The following ARAP1 variants were observed in gnomAD, a reference collection of about 807,000 sequenced individuals.
The protein encoded by ARAP1 is arf-GAP with Rho-GAP domain, ANK repeat and PH domain-containing protein 1.
ARAP1 carries 76 observed loss-of-function variants against 172.2 expected under a neutral mutation model. The observed-to-expected ratio is 0.44, with a 90% CI of 0.37 to 0.53. The LOEUF is 0.53. Among genes scored for constraint, ARAP1 ranks in the 20% least tolerant of loss-of-function variants. The pLI is 0.00. For missense variants in ARAP1, 1,686 were observed against 1,977.5 expected, an observed-to-expected ratio of 0.85 and a Z score of 2.80; for synonymous variants, 804 against 803.3, an observed-to-expected ratio of 1.00 and a Z score of -0.01.
chr11:72,743,173 C>T (rs1858252214), intron 1 of ARAP1, among the ~76,000 whole-genome samples: 1 of 152,240 alleles, frequency 6.6e-6, no homozygotes, highest in Admixed American at 6.5e-5. Context: ...CTGAGAGGCA[C>T]AGACTTTGTC....
rs948434548 is a variant in ARAP1, at chr11:72,704,050, C to A, written c.1992+102G>T. ...TCAGTTTCCCCATATGCCAAGACAT[C>A]TCCCTGAGCTGGTAGATGAGATGGG... On this transcript the variant is annotated intron_variant, in intron 14 of 34. Transcript: ENST00000393609. 4 of 1,458,028 alleles carry A rather than the reference C, an allele frequency of 2.7e-6. No homozygotes were observed. The African/African-American group carries it at 4.2e-5, about 15-fold the overall frequency. 90.3% of individuals were successfully genotyped at this position (1,458,028 alleles called of 1,614,324 possible).
intron 15 of ARAP1, among the ~76,000 whole-genome samples, 189 bp downstream of exon 15, chr11:72,702,716 A>G (rs578062258): frequency 4.6e-5 from 7 of 152,348 alleles, no homozygotes; most frequent in Middle Eastern, 3.4e-3. Flanking sequence ...TCACAGAGAC[A>G]CAGACACAGA....
intron 1 of ARAP1, among the ~76,000 whole-genome samples, chr11:72,735,769 C>T (rs1325863533): frequency 6.6e-6 from 1 of 152,220 alleles, no homozygotes; most frequent in Non-Finnish European, 1.5e-5. Context: ...GGGCCTCTCT[C>T]AAGTTCCTAT....
chr11:72,705,847 G>A lies in ARAP1; in HGVS notation c.1767C>T (p.Ser589=). ...TCCACACCTTCCTGTCCATCTTCAG[G>A]CTCCGCACCTTGGAGACGCCAGCGC... ...GLGAGVSKVR[S]LKMDRKVWTE... is the part of the protein sequence containing the mutation. Residue 589 remains serine (S), a synonymous_variant, in exon 13 of 35, where the codon AGC becomes AGT. Coordinates refer to ENST00000393609, the MANE Select transcript of ARAP1 (RefSeq NM_001040118.3). The A allele has an allele frequency of 6.2e-7, 1 of 1,614,110 alleles. No homozygotes were observed. The highest frequency in any genetic ancestry group is 8.5e-7 in the Non-Finnish European group (1 of 1,179,990).
Position 72,694,982 on chromosome 11 carries a change from G to A in ARAP1, c.3692C>T (p.Ala1231Val), listed in dbSNP as rs1236859048. Residue 1231 changes from alanine (A) to valine (V), a missense_variant and splice_region_variant, in exon 27 of 35, where the codon GCA becomes GTA. Physicochemically the swap from Ala to Val is moderately conservative, Grantham distance 64 (BLOSUM62 0). This residue lies in a region of ARAP1 where 379 missense variants were observed against 500.1 expected (regional missense o/e 0.76). Transcript: ENST00000393609. ...TGCACAAGCCCAGCGTCACCCACCT[G>A]CCTCCTCCCTCTCGTTGACCTCAAA... is the stretch of plus-strand genomic sequence containing the variant. The part of the protein sequence containing the change: ...TCFEVNEREE[A>V]ERPLHFAEKV... The A allele has an allele frequency of 6.2e-7, 1 of 1,613,752 alleles. No individual in the cohort carries two copies. The highest frequency in any genetic ancestry group is 1.7e-5 in the Admixed American group (1 of 60,006).
chr11:72,697,088 C>A lies in ARAP1; in HGVS notation c.3061G>T (p.Glu1021Ter), dbSNP rs779132655. 1 of 1,609,554 alleles carries A rather than the reference C, an allele frequency of 6.2e-7. No individual in the cohort carries two copies. Among genetic ancestry groups the A allele is most frequent in the Non-Finnish European group, 8.5e-7 (1 of 1,179,924 alleles). Residue 1021 changes from glutamate (E) to a stop codon, truncating the protein, a stop_gained, in exon 22 of 35, where the codon GAG becomes TAG. Coordinates refer to ENST00000393609, the MANE Select transcript of ARAP1 (RefSeq NM_001040118.3). LOFTEE classifies it high-confidence loss of function. Reference protein sequence around the residue: ...DARSVHLKEGEQHVDDVSSAL... With the variant: ...DARSVHLKEG ...GAGGAAACATCATCCACGTGCTGCT[C>A]GCCCTCCTTGAGGTGCACAGAGCGC...
At chr11:72,751,710 T>C (rs1858535814) in intron 1 of ARAP1, among the ~76,000 whole-genome samples, 2 of 151,512 alleles carry the variant, frequency 1.3e-5, no homozygotes, top group Admixed American at 6.6e-5. Flanking sequence ...TCTGGCCAGA[T>C]TCCCCCCCTC....
chr11:72,704,579 G>A (rs1194341407), intron 13 of ARAP1: 6 of 492,048 alleles, frequency 1.2e-5, no homozygotes, highest in African/African-American at 1.2e-4. Context: ...AGACTGACAG[G>A]TGGATGCCTC....
rs984262797 is a variant in ARAP1 at position 72,699,220 on chromosome 11, C to A, written c.2439-113G>T. ...CCTCCGCACTGCCTTGGCGCTTGTC[C>A]TTATTCTGGTCCCCTAAGAGGTGGT... On this transcript the variant is annotated intron_variant, in intron 17 of 34. Transcript: ENST00000393609. The surrounding 1 kb of genome is among the most constrained non-coding windows in gnomAD (Gnocchi z 4.2). 6 of 1,418,622 alleles carry A rather than the reference C, an allele frequency of 4.2e-6. No homozygotes were observed. In the African/African-American group the frequency reaches 5.6e-5, roughly 13 times the overall value. The allele number at this position is 1,418,622 out of a possible 1,614,324, so 87.9% of individuals were successfully genotyped here.
rs973851391 is a variant in ARAP1 at position 72,725,653 on chromosome 11, G to A, written c.509+967C>T. Among the ~76,000 whole-genome samples the A allele has an allele frequency of 6.6e-6, 1 of 152,044 alleles. No homozygotes were observed. Among genetic ancestry groups the A allele is most frequent in the African/African-American group, 2.4e-5 (1 of 41,372 alleles). On this transcript the variant is annotated intron_variant, in intron 3 of 34. Transcript: ENST00000393609. The surrounding 1 kb of genome is among the most constrained non-coding windows in gnomAD (Gnocchi z 4.3). ...TGAGTATGTCCTTGGCATGGATCCAGCCAGGGCCCCCTCCCTGCTCTCCCT... is the reference window on the plus strand; with the variant it reads ...TGAGTATGTCCTTGGCATGGATCCAACCAGGGCCCCCTCCCTGCTCTCCCT...
At chr11:72,715,661 C>T (rs1857240635) in intron 3 of ARAP1, among the ~76,000 whole-genome samples, 1 of 151,340 alleles carries the variant, frequency 6.6e-6, no homozygotes, top group East Asian at 1.9e-4. Flanking sequence ...GCCTCAAACT[C>T]CCGAGTTCAA....
At chr11:72,729,087 T>C (rs1473688837) in intron 2 of ARAP1, among the ~76,000 whole-genome samples, 1 of 151,960 alleles carries the variant, frequency 6.6e-6, no homozygotes, top group Non-Finnish European at 1.5e-5. Flanking sequence ...AACAGACAGA[T>C]CAATTAAACA....
At chr11:72,701,210 G>C (rs534404862) in intron 16 of ARAP1, among the ~76,000 whole-genome samples, 1 of 150,660 alleles carries the variant, frequency 6.6e-6, no homozygotes, top group South Asian at 2.1e-4. Flanking sequence ...GAGACCGGCA[G>C]AGTGATTAGG....
At chr11:72,744,030 C>T (rs982393929) in intron 1 of ARAP1, among the ~76,000 whole-genome samples, 1 of 152,168 alleles carries the variant, frequency 6.6e-6, no homozygotes, top group Non-Finnish European at 1.5e-5. Flanking sequence ...TTTGCTTACC[C>T]GGTTCCCTTT....
At chr11:72,712,660 C>G in intron 5 of ARAP1, 92 bp from the exon 6 acceptor site, 1 of 1,590,524 alleles carries the variant, frequency 6.3e-7, no homozygotes. Context: ...CCACACAGCC[C>G]CGACCCACAC....
chr11:72,689,301 C>T (rs1855827635), intron 30 of ARAP1, among the ~76,000 whole-genome samples: 1 of 152,166 alleles, frequency 6.6e-6, no homozygotes, highest in Non-Finnish European at 1.5e-5. Context: ...GGGCAATGAC[C>T]CCCAAGGAAG....
At chr11:72,694,888 T>C (rs2135500465) in intron 27 of ARAP1, 92 bp downstream of exon 27, 1 of 1,082,904 alleles carries the variant, frequency 9.2e-7, no homozygotes. Context: ...TCACCACCCA[T>C]CCTCATGTGC....
rs1050910589 is a variant in ARAP1, at chr11:72,692,781, T to C, written c.3959A>G (p.Gln1320Arg). ...CLRLYKEVRSQRPWSGAPETS... is the reference protein window; with the variant it reads ...CLRLYKEVRSRRPWSGAPETS... ...CTCAGGGGCCCCGCTCCACGGCCTC[T>C]GGCTCTGTTTGATAGAGGATCAGGG... Residue 1320 changes from glutamine to arginine, a missense_variant, in exon 30 of 35, where the codon CAG becomes CGG. By Grantham distance (43) the Gln-to-Arg change is conservative (BLOSUM62 1). Coordinates refer to ENST00000393609, the MANE Select transcript of ARAP1 (RefSeq NM_001040118.3). The C allele has an allele frequency of 1.9e-6, 3 of 1,613,552 alleles. No homozygotes were observed. The African/African-American group carries it at 4.0e-5, about 22-fold the overall frequency.
At position 72,726,703 on chromosome 11, in the gene ARAP1, G is replaced by C. The variant is rs376566451; in HGVS notation, c.426C>G (p.Pro142=). The change falls in exon 3 of 35, where the codon CCC becomes CCG. Residue 142 remains proline, a synonymous_variant. Transcript: ENST00000393609. The surrounding 1 kb of genome is among the most constrained non-coding windows in gnomAD (Gnocchi z 6.5). ...CCAAATGCCGCTTAGCAGGCAGCGG[G>C]GGCAGCACAGGGTCTGGGGCAGCTG... ...PSTAAPDPVL[P]PLPAKRHLAE... is the part of the protein sequence containing the mutation. 1 of 1,548,124 alleles carries C rather than the reference G, an allele frequency of 6.5e-7. No individual in the cohort carries two copies. The highest frequency in any genetic ancestry group is 1.4e-5 in the African/African-American group (1 of 73,312).
Sources: allele counts gnomAD v4.1 joint callset (sites outside exome capture counted in the v4.1 genomes callset), GRCh38; gene constraint gnomAD v4.1.1; regional missense constraint gnomAD v4.1.1; non-coding constraint Gnocchi (gnomAD v3.1); transcripts MANE v1.5; gene names NCBI Gene and HGNC (gene_info 2026-07-23, HGNC 2026-07-21).